Variants in ZBTB20 observed in about 807,000 individuals in gnomAD.
The protein encoded by ZBTB20 is zinc finger and BTB domain-containing protein 20.
A neutral mutation model predicts 56.9 loss-of-function variants in ZBTB20; 9 were observed. The observed-to-expected ratio is 0.16, with a 90% CI of 0.10 to 0.28. The LOEUF (loss-of-function observed/expected upper bound fraction) is 0.28. Ranked by LOEUF, ZBTB20 falls within the 10% of genes least tolerant of loss-of-function variation. The probability of loss-of-function intolerance (pLI) is 1.00; values close to 1 mark genes in which losing one functional copy is unlikely to be tolerated. For missense variants in ZBTB20, 655 were observed against 1,003.0 expected, an observed-to-expected ratio of 0.65 and a Z score of 4.69; for synonymous variants, 417 against 420.7, an observed-to-expected ratio of 0.99 and a Z score of 0.11.
intron 6 of ZBTB20, among the ~76,000 whole-genome samples, chr3:114,600,038 T>A (rs1301339287): frequency 1.3e-5 from 2 of 152,014 alleles, no homozygotes. Flanking sequence ...ACAGCACCCA[T>A]CACAGAGGTT....
chr3:114,513,467 C>T (rs1302732637), intron 6 of ZBTB20, among the ~76,000 whole-genome samples: 2 of 152,090 alleles, frequency 1.3e-5, no homozygotes, highest in African/African-American at 4.8e-5. Context: ...CAGCCATTAA[C>T]ACTCTCCATG....
chr3:114,908,002 G>A (rs2075385379), intron 3 of ZBTB20, among the ~76,000 whole-genome samples: 2 of 151,844 alleles, frequency 1.3e-5, no homozygotes, highest in Admixed American at 1.3e-4. Context: ...AAGAAATTAT[G>A]GAAAGATCAC....
chr3:114,593,489 A>T (rs1358076636), intron 6 of ZBTB20, among the ~76,000 whole-genome samples: 1 of 148,710 alleles, frequency 6.7e-6, no homozygotes, highest in African/African-American at 2.5e-5. Flanking sequence ...GGTTTAAGCG[A>T]TTCTCTTGCC....
intron 5 of ZBTB20, among the ~76,000 whole-genome samples, chr3:114,799,833 G>C (rs116125864): frequency 1.4e-4 from 22 of 151,950 alleles, no homozygotes; most frequent in Non-Finnish European, 3.1e-4. Context: ...TGCTCTGTCC[G>C]TGCATCATCG....
At chr3:115,110,946 C>T (rs1038312638) in intron 1 of ZBTB20, among the ~76,000 whole-genome samples, 1 of 151,404 alleles carries the variant, frequency 6.6e-6, no homozygotes. Context: ...GCCGAGCTTG[C>T]GCCACTACAC....
intron 3 of ZBTB20, among the ~76,000 whole-genome samples, chr3:114,932,361 T>A (rs541663751): frequency 6.6e-6 from 1 of 152,242 alleles, no homozygotes; most frequent in African/African-American, 2.4e-5. Context: ...GATCCATGGT[T>A]TCTGCTTCTT....
At chr3:114,631,322 A>G (rs2058925739) in intron 6 of ZBTB20, among the ~76,000 whole-genome samples, 1 of 128,990 alleles carries the variant, frequency 7.8e-6, no homozygotes, top group South Asian at 2.5e-4. Context: ...TCTAGAACTC[A>G]TATTTGCTTC....
chr3:114,597,370 A>T (rs2056404857), intron 6 of ZBTB20, among the ~76,000 whole-genome samples: 1 of 152,196 alleles, frequency 6.6e-6, no homozygotes, highest in Non-Finnish European at 1.5e-5. Flanking sequence ...AGAACGACCA[A>T]GTATTCCTTA....
intron 4 of ZBTB20, among the ~76,000 whole-genome samples, chr3:114,897,357 T>C (rs896809031): frequency 2.6e-5 from 4 of 151,564 alleles, no homozygotes; most frequent in Non-Finnish European, 4.4e-5. Flanking sequence ...CCATGCAGAA[T>C]AAAAGGAAAT....
intron 8 of ZBTB20, among the ~76,000 whole-genome samples, chr3:114,386,283 T>TA: frequency 6.6e-6 from 1 of 152,348 alleles, no homozygotes; most frequent in Non-Finnish European, 1.5e-5. Context: ...TTATTTTTTT[T>TA]AACCTTGGCA....
At chr3:114,593,033 A>G (rs1465634952) in intron 6 of ZBTB20, among the ~76,000 whole-genome samples, 1 of 152,132 alleles carries the variant, frequency 6.6e-6, no homozygotes, top group Non-Finnish European at 1.5e-5. Flanking sequence ...TGAAAAGTGT[A>G]TGTTTTATAA....
At chr3:115,129,816 T>TA (rs2084448754) in intron 1 of ZBTB20, among the ~76,000 whole-genome samples, 1 of 152,042 alleles carries the variant, frequency 6.6e-6, no homozygotes, top group Non-Finnish European at 1.5e-5. Flanking sequence ...ACCAGAAAAA[T>TA]AAACGAAGAA....
At chr3:114,388,867 A>G (rs1315205212) in intron 8 of ZBTB20, 138 bp downstream of exon 8, 1 of 152,268 alleles carries the variant, frequency 6.6e-6, no homozygotes, top group Non-Finnish European at 1.5e-5. Flanking sequence ...GCACCTCAGG[A>G]CTGAGTCTGG....
intron 3 of ZBTB20, among the ~76,000 whole-genome samples, chr3:114,919,754 A>T (rs12107260): frequency 0.11 from 16,970 of 152,146 alleles, 1,043 homozygotes; most frequent in Admixed American, 0.2. Context: ...AACAAATGGC[A>T]ATAGTAAGTC....
At position 114,747,666 on chromosome 3, in the gene ZBTB20, C is replaced by T. The variant is rs1381042477; in HGVS notation, c.-343+53435G>A. On this transcript the variant is annotated intron_variant, in intron 5 of 11. Transcript: ENST00000675478. ...GGGCGCGGTGGCTCACGCCTGTAAT[C>T]CCAGCACTTTGGGAGGCCGAGGCGG... 1.4e-3 allele frequency among the ~76,000 whole-genome samples: 3 copies of T among 2,210 alleles called. 1 individual carries two copies. Among genetic ancestry groups the T allele is most frequent in the African/African-American group, 1.4e-3 (3 of 2,174 alleles). 1.4% of individuals were successfully genotyped at this position (2,210 alleles called of 152,430 possible).
intron 4 of ZBTB20, among the ~76,000 whole-genome samples, chr3:114,840,131 TTG>T (rs1056696150): frequency 6.6e-6 from 1 of 152,176 alleles, no homozygotes; most frequent in African/African-American, 2.4e-5. Context: ...TCTATACTAA[TTG>T]TGTGTCTTTG....
At chr3:114,615,357 G>T (rs1433941541) in intron 6 of ZBTB20, among the ~76,000 whole-genome samples, 1 of 151,946 alleles carries the variant, frequency 6.6e-6, no homozygotes, top group East Asian at 1.9e-4. Context: ...CACTTTTAGG[G>T]GACACTATAT....
intron 1 of ZBTB20, among the ~76,000 whole-genome samples, chr3:115,087,460 T>C (rs1168913747): frequency 6.6e-6 from 1 of 151,936 alleles, no homozygotes; most frequent in African/African-American, 2.4e-5. Flanking sequence ...ATATATTTAA[T>C]AACTAGCCTC....
chr3:114,732,726 C>T (rs1015737357), intron 5 of ZBTB20, among the ~76,000 whole-genome samples: 1 of 152,152 alleles, frequency 6.6e-6, no homozygotes, highest in Non-Finnish European at 1.5e-5. Flanking sequence ...TAGCCACGAC[C>T]TTTACCTAAT....
Sources: allele counts gnomAD v4.1 joint callset (sites outside exome capture counted in the v4.1 genomes callset), GRCh38; gene constraint gnomAD v4.1.1; transcripts MANE v1.5; gene names NCBI Gene and HGNC (gene_info 2026-07-23, HGNC 2026-07-21).